Variants in NR1H4 observed in about 807,000 individuals in gnomAD.
The protein encoded by NR1H4 is nuclear receptor subfamily 1 group H member 4.
A neutral mutation model predicts 58.5 loss-of-function variants in NR1H4; 23 were observed. The observed-to-expected ratio is 0.39, with a 90% CI of 0.28 to 0.56. The LOEUF (loss-of-function observed/expected upper bound fraction) is 0.56. Ranked by LOEUF, NR1H4 falls within the 20% of genes least tolerant of loss-of-function variation. The pLI, the probability that NR1H4 is intolerant of heterozygous loss-of-function variation, is 0.58. For synonymous variants in NR1H4, 214 were observed against 198.0 expected, an observed-to-expected ratio of 1.08 and a Z score of -0.68; for missense variants, 487 against 576.9, an observed-to-expected ratio of 0.84 and a Z score of 1.60.
intron 1 of NR1H4, among the ~76,000 whole-genome samples, chr12:100,475,159 A>ATCTATCTATCTATCTATCTATCT (rs1555330004): frequency 2.0e-5 from 3 of 147,742 alleles, no homozygotes; most frequent in Admixed American, 6.6e-5. Context: ...CTATCTATCT[A>ATCTATCTATCTATCTATCTATCT]AATTTTTTTT....
chr12:100,503,393 A>G, intron 3 of NR1H4: 1 of 1,596,970 alleles, frequency 6.3e-7, no homozygotes, highest in South Asian at 1.1e-5. Flanking sequence ...TAAGAATGGT[A>G]ATGCAGTTTC....
At chr12:100,511,352 T>TA (rs1954110716) in intron 4 of NR1H4, among the ~76,000 whole-genome samples, 1 of 152,218 alleles carries the variant, frequency 6.6e-6, no homozygotes, top group Admixed American at 6.5e-5. Context: ...TTAAGACTGT[T>TA]AGAGTATCTA....
chr12:100,500,038 C>T, intron 3 of NR1H4: 1 of 439,880 alleles, frequency 2.3e-6, no homozygotes, highest in Non-Finnish European at 4.6e-6. Flanking sequence ...GGTACCATTA[C>T]TGTTCCCCTT....
intron 4 of NR1H4, among the ~76,000 whole-genome samples, chr12:100,516,767 G>A (rs1466380373): frequency 6.6e-6 from 1 of 152,148 alleles, no homozygotes; most frequent in Non-Finnish European, 1.5e-5. Context: ...TTAAAATGAG[G>A]AATAAGCATA....
chr12:100,536,897 T>G (rs773949880), intron 7 of NR1H4, 51 bp from the exon 8 acceptor site: 1 of 1,087,282 alleles, frequency 9.2e-7, no homozygotes, highest in Non-Finnish European at 1.4e-6. Flanking sequence ...GGTTTTATAT[T>G]ATCATTTTCT....
intron 10 of NR1H4, 78 bp from the exon 11 acceptor site, chr12:100,563,173 T>G: frequency 9.0e-7 from 1 of 1,111,748 alleles, no homozygotes; most frequent in South Asian, 1.3e-5. Context: ...TTCAAAATAG[T>G]TAACGTTGCT....
At chr12:100,542,549 C>T (rs11110415) in intron 9 of NR1H4, among the ~76,000 whole-genome samples, 4,318 of 152,082 alleles carry the variant, frequency 0.028, 98 homozygotes, top group Admixed American at 0.042. Context: ...CTTATTTTCC[C>T]GAGAGATTTC....
At chr12:100,531,621 C>T (rs532293794) in intron 4 of NR1H4, among the ~76,000 whole-genome samples, 3 of 152,308 alleles carry the variant, frequency 2.0e-5, no homozygotes, top group Admixed American at 6.5e-5. Context: ...TCTCTTACCT[C>T]TCACAATCCT....
At chr12:100,531,244 T>C (rs1338187005) in intron 4 of NR1H4, among the ~76,000 whole-genome samples, 1 of 152,092 alleles carries the variant, frequency 6.6e-6, no homozygotes, top group Non-Finnish European at 1.5e-5. Context: ...TCACTTAAGG[T>C]CAGGAGTTTG....
intron 10 of NR1H4, among the ~76,000 whole-genome samples, 154 bp from the exon 11 acceptor site, chr12:100,563,097 G>A (rs1011236188): frequency 4.6e-5 from 7 of 152,132 alleles, no homozygotes; most frequent in East Asian, 1.9e-4. Context: ...TTACGTGTGT[G>A]TGCATAAAAA....
At chr12:100,520,411 T>C (rs1266459103) in intron 4 of NR1H4, among the ~76,000 whole-genome samples, 1 of 152,118 alleles carries the variant, frequency 6.6e-6, no homozygotes, top group Non-Finnish European at 1.5e-5. Flanking sequence ...ATGCTAAGTT[T>C]CTGGGAGATG....
intron 3 of NR1H4, among the ~76,000 whole-genome samples, 166 bp from the exon 4 acceptor site, chr12:100,510,612 T>TA (rs1438358946): frequency 8.2e-6 from 1 of 121,232 alleles, no homozygotes; most frequent in Non-Finnish European, 1.6e-5. Flanking sequence ...TAATTTTATA[T>TA]ATATATATAT....
intron 6 of NR1H4, among the ~76,000 whole-genome samples, chr12:100,536,246 C>T (rs1252795169): frequency 6.6e-6 from 1 of 152,152 alleles, no homozygotes; most frequent in Non-Finnish European, 1.5e-5. Context: ...CATATCCAGA[C>T]TACCATTTAT....
intron 9 of NR1H4, among the ~76,000 whole-genome samples, chr12:100,555,436 C>A (rs1955300140): frequency 6.6e-6 from 1 of 152,150 alleles, no homozygotes. Flanking sequence ...TTGTATTTAT[C>A]CCCAGTAATT....
intron 3 of NR1H4, chr12:100,503,614 AG>A: frequency 1.0e-6 from 1 of 973,836 alleles, no homozygotes; most frequent in South Asian, 2.3e-5. Context: ...TGGCTCAGTC[AG>A]ACCCAGAAGA....
chr12:100,517,516 A>G (rs1167121203), intron 4 of NR1H4, among the ~76,000 whole-genome samples: 1 of 152,198 alleles, frequency 6.6e-6, no homozygotes, highest in African/African-American at 2.4e-5. Context: ...TCTCTTTGAC[A>G]TACTGATTTC....
chr12:100,525,042 G>C (rs1954522314), intron 4 of NR1H4: 2 of 152,126 alleles, frequency 1.3e-5, no homozygotes, highest in Admixed American at 1.3e-4. Flanking sequence ...TGGAGACGAT[G>C]CTTTTAAAAG....
At chr12:100,545,945 G>A (rs1200588449) in intron 9 of NR1H4, among the ~76,000 whole-genome samples, 5 of 152,158 alleles carry the variant, frequency 3.3e-5, no homozygotes, top group Admixed American at 1.3e-4. Flanking sequence ...AGGAAGGCAT[G>A]ATTGGGCATG....
At chr12:100,514,760 C>T (rs753145425) in intron 4 of NR1H4, among the ~76,000 whole-genome samples, 14 of 152,068 alleles carry the variant, frequency 9.2e-5, no homozygotes, top group Non-Finnish European at 1.8e-4. Context: ...ACTTAAATTG[C>T]TTTTAATGAA....
Sources: allele counts gnomAD v4.1 joint callset (sites outside exome capture counted in the v4.1 genomes callset), GRCh38; gene constraint gnomAD v4.1.1; transcripts MANE v1.5; gene names NCBI Gene and HGNC (gene_info 2026-07-23, HGNC 2026-07-21).